The following TRPM6 variants were observed in gnomAD, a reference collection of about 807,000 sequenced individuals.
TRPM6 encodes the protein channel kinase 2.
In TRPM6, 111 loss-of-function variants were observed where a neutral mutation model predicts 247.6. That is an observed-to-expected ratio of 0.45 (90% CI 0.38 to 0.52). The LOEUF (loss-of-function observed/expected upper bound fraction) is 0.52. TRPM6 is among the 20% of genes least tolerant of loss of function. TRPM6 has a pLI of 0.00. For missense variants in TRPM6, 2,126 were observed against 2,421.5 expected (o/e 0.88, Z 2.56); for synonymous variants, 892 against 853.8 (o/e 1.04, Z -0.78).
intron 14 of TRPM6, among the ~76,000 whole-genome samples, chr9:74,805,967 T>C (rs977671960): frequency 2.0e-5 from 3 of 152,204 alleles, no homozygotes; most frequent in African/African-American, 7.2e-5. Flanking sequence ...TATTTCATTA[T>C]ATTAAGGAAT....
At chr9:74,750,803 C>A in intron 29 of TRPM6, 81 bp from the exon 30 acceptor site, 2 of 1,244,010 alleles carry the variant, frequency 1.6e-6, no homozygotes, top group South Asian at 1.2e-5. Context: ...GCCAAACACG[C>A]TCCTTGGAGA....
In TRPM6 at chr9:74,724,740, T is replaced by C. The variant is rs1267399946; in HGVS notation, c.5942A>G (p.Lys1981Arg). The change falls in exon 39 of 39, where the codon AAA becomes AGA. Residue 1981 changes from lysine (K) to arginine (R), a missense_variant. By Grantham distance (26) the Lys-to-Arg change is conservative (BLOSUM62 2). Transcript: ENST00000360774. Reference protein sequence around the residue: ...CCRKLKLPDLKRNDYSPERIN... With the variant: ...CCRKLKLPDLRRNDYSPERIN... ...CCTTTCAGGGGAATAGTCATTTCTT[T>C]TTAAATCTGCAAGGAGGACAAGTAA... 1.9e-6 allele frequency: 3 copies of C among 1,614,164 alleles called. No individual in the cohort carries two copies. The highest frequency in any genetic ancestry group is 1.1e-5 in the South Asian group (1 of 91,088).
At chr9:74,729,922 A>T (rs1025501422) in intron 37 of TRPM6, among the ~76,000 whole-genome samples, 1 of 152,206 alleles carries the variant, frequency 6.6e-6, no homozygotes, top group Non-Finnish European at 1.5e-5. Context: ...TAAAACCTGT[A>T]AGTTAAATGA....
At chr9:74,812,214 A>C (rs867436359) in intron 12 of TRPM6, 85 bp downstream of exon 12, 1 of 1,567,204 alleles carries the variant, frequency 6.4e-7, no homozygotes. Flanking sequence ...TCAGATAAGG[A>C]GTTTTGCCTC....
chr9:74,768,705 C>T (rs1447458279), intron 25 of TRPM6, among the ~76,000 whole-genome samples: 1 of 152,240 alleles, frequency 6.6e-6, no homozygotes, highest in Non-Finnish European at 1.5e-5. Context: ...AATCCCACCA[C>T]CACCAACCTT....
intron 10 of TRPM6, 52 bp from the exon 11 acceptor site, chr9:74,816,821 A>G (rs761803429): frequency 6.2e-7 from 1 of 1,610,120 alleles, no homozygotes; most frequent in East Asian, 2.2e-5. Context: ...TATCTACGCA[A>G]GAAGCACAAA....
intron 38 of TRPM6, among the ~76,000 whole-genome samples, chr9:74,726,379 G>A (rs1389915861): frequency 2.0e-5 from 3 of 151,970 alleles, no homozygotes; most frequent in Admixed American, 6.6e-5. Context: ...GCGTGGTGGC[G>A]GGCGCCTGTA....
intron 25 of TRPM6, among the ~76,000 whole-genome samples, chr9:74,770,474 A>T (rs1047445848): frequency 6.6e-6 from 1 of 152,198 alleles, no homozygotes. Context: ...TTAGTAATAA[A>T]TCCAACAGTA....
At chr9:74,884,393 G>A (rs1328963109) in intron 1 of TRPM6, among the ~76,000 whole-genome samples, 1 of 152,154 alleles carries the variant, frequency 6.6e-6, no homozygotes, top group Admixed American at 6.5e-5. Flanking sequence ...GGAGGCTGAG[G>A]CAGGAGAATG....
chr9:74,809,990 A>AAC (rs1437087204), intron 13 of TRPM6, among the ~76,000 whole-genome samples: 11 of 150,722 alleles, frequency 7.3e-5, no homozygotes, highest in Admixed American at 6.6e-4. Context: ...AAAAAAAAAA[A>AAC]AAAAAAAAAA....
intron 1 of TRPM6, among the ~76,000 whole-genome samples, chr9:74,885,162 G>T (rs1038095085): frequency 2.0e-5 from 3 of 152,160 alleles, no homozygotes; most frequent in Non-Finnish European, 4.4e-5. Flanking sequence ...AAGGAAGAAA[G>T]CTTTTAATAG....
At position 74,732,741 on chromosome 9, in the gene TRPM6, A is replaced by G; in HGVS notation, c.5777-5T>C. 1 of 1,607,224 alleles carries G rather than the reference A, an allele frequency of 6.2e-7. No individual in the cohort carries two copies. Among genetic ancestry groups the G allele is most frequent in the East Asian group, 2.2e-5 (1 of 44,612 alleles). ...CTGTCAAATTTTCTCCAACACCTCA[A>G]AAGAAGAAACAAAATTCGTTTAGCA... is the stretch of plus-strand genomic sequence containing the variant. On this transcript the variant is annotated splice_polypyrimidine_tract_variant and splice_region_variant and intron_variant, in intron 36 of 38. Coordinates refer to ENST00000360774, the MANE Select transcript of TRPM6 (RefSeq NM_017662.5).
intron 1 of TRPM6, among the ~76,000 whole-genome samples, chr9:74,884,279 A>G (rs1372611775): frequency 6.6e-6 from 1 of 152,172 alleles, no homozygotes; most frequent in Non-Finnish European, 1.5e-5. Context: ...TCACGAGGTC[A>G]AGAAATCAAG....
At chr9:74,840,884 C>T (rs1040564195) in intron 4 of TRPM6, among the ~76,000 whole-genome samples, 4 of 150,426 alleles carry the variant, frequency 2.7e-5, no homozygotes, top group East Asian at 2.0e-4. Context: ...AGAAATATTT[C>T]GAACAACTGG....
intron 22 of TRPM6, 90 bp from the exon 23 acceptor site, chr9:74,782,566 A>T: frequency 6.8e-7 from 1 of 1,464,240 alleles, no homozygotes; most frequent in Non-Finnish European, 9.6e-7. Flanking sequence ...AACTGCACAG[A>T]ATACCATAAA....
Position 74,724,518 on chromosome 9 carries a change from A to C in TRPM6, c.*95T>G. Reference sequence around the variant, plus strand: ...GGCTCAGAAGGCGTGTCCCAAGGAGACGCTGATGTAATCAACATCACGTTG... The same window carrying C: ...GGCTCAGAAGGCGTGTCCCAAGGAGCCGCTGATGTAATCAACATCACGTTG... On this transcript the variant is annotated 3_prime_UTR_variant, in exon 39 of 39. Transcript: ENST00000360774. 1 of 1,574,276 alleles carries C rather than the reference A, an allele frequency of 6.4e-7. No individual in the cohort carries two copies. The highest frequency in any genetic ancestry group is 8.7e-7 in the Non-Finnish European group (1 of 1,145,798).
chr9:74,809,485 T>A (rs1185620377), intron 13 of TRPM6, among the ~76,000 whole-genome samples: 8 of 152,242 alleles, frequency 5.3e-5, no homozygotes, highest in African/African-American at 1.9e-4. Flanking sequence ...CTTTTTCACA[T>A]GCATAATTTA....
At chr9:74,837,516 G>A (rs2095178) in intron 5 of TRPM6, among the ~76,000 whole-genome samples, 22,249 of 151,654 alleles carry the variant, frequency 0.15, 2,143 homozygotes, top group East Asian at 0.31. Context: ...GCACGATCTC[G>A]GCTCGCTGCA....
intron 1 of TRPM6, 69 bp downstream of exon 1, chr9:74,887,755 G>C: frequency 6.2e-7 from 1 of 1,613,716 alleles, no homozygotes; most frequent in Non-Finnish European, 8.5e-7. Flanking sequence ...TCTATCTAAG[G>C]CCGGGGGCGC....
Sources: allele counts gnomAD v4.1 joint callset (sites outside exome capture counted in the v4.1 genomes callset), GRCh38; gene constraint gnomAD v4.1.1; transcripts MANE v1.5; gene names NCBI Gene and HGNC (gene_info 2026-07-23, HGNC 2026-07-21).